Variants in CDH3 observed in about 807,000 individuals in gnomAD.
CDH3 encodes cadherin-3.
CDH3 carries 54 observed loss-of-function variants against 82.0 expected under a neutral mutation model. The observed-to-expected ratio is 0.66, with a 90% confidence interval of 0.53 to 0.83. The LOEUF (loss-of-function observed/expected upper bound fraction) is 0.83. Among genes scored for constraint, CDH3 ranks in the 40% least tolerant of loss-of-function variants. CDH3 has a pLI of 0.00. For synonymous variants in CDH3, 446 were observed against 437.9 expected, an observed-to-expected ratio of 1.02 and a Z score of -0.23; for missense variants, 1,054 against 1,084.6, an observed-to-expected ratio of 0.97 and a Z score of 0.40.
downstream of CDH3, among the ~76,000 whole-genome samples, chr16:68,731,132 A>T (rs1038350871): frequency 2.1e-3 from 266 of 128,636 alleles, no homozygotes; most frequent in South Asian, 4.7e-3. Flanking sequence ...AAAAATAATT[A>T]TATATATATA....
intron 1 of CDH3, among the ~76,000 whole-genome samples, chr16:68,720,701 T>G (rs1962152117): frequency 6.6e-6 from 1 of 151,700 alleles, no homozygotes; most frequent in African/African-American, 2.4e-5. Flanking sequence ...CTGCAACATC[T>G]GCCTCCCAGG....
intron 2 of CDH3, chr16:68,651,957 G>C (rs1597789815): frequency 3.0e-5 from 10 of 330,110 alleles, no homozygotes; most frequent in South Asian, 2.0e-4. Context: ...GGAGAATACG[G>C]CTGGCAGGTG....
rs543565503 is a variant in CDH3, at chr16:68,691,963, G to A, written c.2002+37G>A. 5.8e-6 allele frequency: 9 copies of A among 1,557,222 alleles called. No homozygotes were observed. The Admixed American group carries it at 8.5e-5, about 15-fold the overall frequency. On this transcript the variant is annotated intron_variant, in intron 13 of 15. Transcript: ENST00000264012. The stretch of plus-strand genomic sequence containing the variant: ...GCCCCCACCCCCTCCCTGAGGATGG[G>A]GGAGTTGAAAGACTGGATTCTACCT...
Position 68,645,316 on chromosome 16 carries a change from G to GC in CDH3, c.-63dup. On this transcript the variant is annotated 5_prime_UTR_variant, in exon 1 of 16. Coordinates refer to ENST00000264012, the MANE Select transcript of CDH3 (RefSeq NM_001793.6). ...CCCGGGGGCTGCGGTGCTCAAAGGG[G>GC]CAAGAGCTGAGCGGAACACCGGCCC... 6 of 1,546,138 alleles carry GC rather than the reference G, an allele frequency of 3.9e-6. No individual in the cohort carries two copies. The highest frequency in any genetic ancestry group is 4.4e-6 in the Non-Finnish European group (5 of 1,125,892).
intron 11 of CDH3, chr16:68,686,726 C>T (rs1203551055): frequency 1.4e-6 from 1 of 724,678 alleles, no homozygotes; most frequent in African/African-American, 1.7e-5. Context: ...TGAAGCTGCC[C>T]ATTCCACTGA....
chr16:68,692,938 C>G (rs1961615806), intron 13 of CDH3, among the ~76,000 whole-genome samples: 2 of 152,134 alleles, frequency 1.3e-5, no homozygotes, highest in South Asian at 2.1e-4. Context: ...AATCCTGTCT[C>G]TACTGAAAAT....
downstream of CDH3, among the ~76,000 whole-genome samples, chr16:68,731,047 A>AATATACATAT (rs1962279580): frequency 3.8e-5 from 1 of 26,346 alleles, no homozygotes; most frequent in African/African-American, 1.4e-4. Flanking sequence ...AAAAAAAAAA[A>AATATACATAT]ATATATATAT....
At chr16:68,720,768 C>G (rs941529915) in intron 1 of CDH3, among the ~76,000 whole-genome samples, 2 of 151,814 alleles carry the variant, frequency 1.3e-5, no homozygotes, top group Admixed American at 6.6e-5. Flanking sequence ...ATTACAGGAG[C>G]CTGCCACCAC....
intron 2 of CDH3, chr16:68,651,237 A>G: frequency 1.9e-6 from 1 of 533,626 alleles, no homozygotes; most frequent in South Asian, 1.4e-5. Context: ...AGGAGTTGTC[A>G]TACTTGTTGG....
the CDH3 span, among the ~76,000 whole-genome samples, chr16:68,733,545 C>A: frequency 6.6e-6 from 1 of 152,128 alleles, no homozygotes; most frequent in African/African-American, 2.4e-5. Context: ...GAGTTTGAGA[C>A]CAGCCTGGCC....
At chr16:68,722,168 T>G (rs940526028) in intron 1 of CDH3, among the ~76,000 whole-genome samples, 12 of 152,216 alleles carry the variant, frequency 7.9e-5, no homozygotes, top group Admixed American at 3.3e-4. Context: ...AATCCCTGGC[T>G]CCCTTGTCTG....
intron 2 of CDH3, among the ~76,000 whole-genome samples, chr16:68,671,521 CTT>C (rs34475405): frequency 0.018 from 2,253 of 121,880 alleles, 40 homozygotes; most frequent in African/African-American, 0.053. Flanking sequence ...TTCATTTTAC[CTT>C]TTTTTTTTTT....
intron 7 of CDH3, among the ~76,000 whole-genome samples, chr16:68,680,484 G>A (rs1961187382): frequency 6.6e-6 from 1 of 152,192 alleles, no homozygotes; most frequent in Non-Finnish European, 1.5e-5. Flanking sequence ...TTCAAGACCA[G>A]CCTGGCCAAC....
At chr16:68,681,158 C>T in intron 8 of CDH3, 62 bp downstream of exon 8, 3 of 1,592,508 alleles carry the variant, frequency 1.9e-6, no homozygotes, top group Non-Finnish European at 2.6e-6. Context: ...TTGCCTTTCT[C>T]AGGAAACTGG....
At chr16:68,720,335 G>A (rs1169686117) in intron 1 of CDH3, among the ~76,000 whole-genome samples, 1 of 151,880 alleles carries the variant, frequency 6.6e-6, no homozygotes, top group Admixed American at 6.6e-5. Flanking sequence ...AATTCCCCAT[G>A]CATACCCTGA....
At position 68,691,653 on chromosome 16, in the gene CDH3, C is replaced by G. The variant is rs985265928; in HGVS notation, c.1796-67C>G. 11 of 1,262,646 alleles carry G rather than the reference C, an allele frequency of 8.7e-6. No individual in the cohort carries two copies. In the Admixed American group the frequency reaches 1.8e-4, roughly 21 times the overall value. 78.2% of individuals were successfully genotyped at this position (1,262,646 alleles called of 1,614,324 possible). The stretch of plus-strand genomic sequence containing the variant: ...TGTGGAAGCCGTATTCTCAAACTTT[C>G]TTCATGGTGTACTCAGATCCCCGCA... On this transcript the variant is annotated intron_variant, in intron 12 of 15. Transcript: ENST00000264012.
intron 14 of CDH3, 77 bp downstream of exon 14, chr16:68,695,462 G>T: frequency 6.9e-7 from 1 of 1,449,454 alleles, no homozygotes; most frequent in African/African-American, 1.4e-5. Flanking sequence ...TCAACCAACT[G>T]ACCAAGTTAG....
Position 68,685,334 on chromosome 16 carries a change from C to T in CDH3, c.1554C>T (p.Val518=). The T allele has an allele frequency of 6.2e-7, 1 of 1,614,090 alleles. No individual in the cohort carries two copies. The highest frequency in any genetic ancestry group is 8.5e-7 in the Non-Finnish European group (1 of 1,180,014). ...GGAACAACATCTATGAAGTCATGGT[C>T]TTGGCCATGGACAATGGTGAGAGCA... ...FVRNNIYEVM[V]LAMDNGSPPT... is the part of the protein sequence containing the mutation. Residue 518 remains valine, a synonymous_variant, in exon 11 of 16, where the codon GTC becomes GTT. Coordinates refer to ENST00000264012, the MANE Select transcript of CDH3 (RefSeq NM_001793.6).
intron 2 of CDH3, among the ~76,000 whole-genome samples, chr16:68,650,430 A>T (rs1960205055): frequency 6.6e-6 from 1 of 152,018 alleles, no homozygotes; most frequent in South Asian, 2.1e-4. Context: ...TCAGCCTCCC[A>T]AGTAACTGGT....
Sources: allele counts gnomAD v4.1 joint callset (sites outside exome capture counted in the v4.1 genomes callset), GRCh38; gene constraint gnomAD v4.1.1; transcripts MANE v1.5; gene names NCBI Gene and HGNC (gene_info 2026-07-23, HGNC 2026-07-21).